The following C8A variants were observed in gnomAD, a reference collection of about 807,000 sequenced individuals.
C8A encodes the protein complement C8 alpha chain, also known as complement component C8 alpha chain.
In C8A, 67 loss-of-function variants were observed where a neutral mutation model predicts 65.3. The ratio of observed to expected loss-of-function variants is 1.03; its 90% CI spans 0.84 to 1.26. The LOEUF (loss-of-function observed/expected upper bound fraction) is 1.26, where lower values mean the gene tolerates loss of function less well. Ranked by LOEUF, C8A falls within the 50% of genes most tolerant of loss-of-function variation. The probability of loss-of-function intolerance (pLI) is 0.00; values close to 1 mark genes in which losing one functional copy is unlikely to be tolerated. For synonymous variants in C8A, 290 were observed against 259.4 expected (o/e 1.12, Z -1.13); for missense variants, 781 against 723.9 (o/e 1.08, Z -0.90).
intron 7 of C8A, among the ~76,000 whole-genome samples, chr1:56,891,986 G>A (rs115131556): frequency 1.3e-3 from 196 of 152,194 alleles, no homozygotes; most frequent in African/African-American, 4.6e-3. Context: ...TCTAGCACAA[G>A]GCTGGGCCCA....
chr1:56,865,628 A>G (rs560506386), intron 1 of C8A, among the ~76,000 whole-genome samples: 61 of 152,176 alleles, frequency 4.0e-4, no homozygotes, highest in Non-Finnish European at 6.9e-4. Flanking sequence ...CTTGATGAAA[A>G]AACTACCAAA....
chr1:56,876,757 C>G (rs1250690925), intron 4 of C8A, among the ~76,000 whole-genome samples: 1 of 152,106 alleles, frequency 6.6e-6, no homozygotes, highest in Non-Finnish European at 1.5e-5. Flanking sequence ...AGCCTTGATT[C>G]TAACTTCTCT....
chr1:56,892,373 G>A (rs1210658298), intron 7 of C8A, among the ~76,000 whole-genome samples: 5 of 152,076 alleles, frequency 3.3e-5, no homozygotes, highest in African/African-American at 1.2e-4. Flanking sequence ...GGGAGGCATG[G>A]TTTCCTCATT....
chr1:56,876,305 G>C, intron 4 of C8A, 96 bp downstream of exon 4: 1 of 1,482,622 alleles, frequency 6.7e-7, no homozygotes, highest in Admixed American at 1.7e-5. Flanking sequence ...ATTTTGGAGG[G>C]TTCCTCTGGA....
At chr1:56,879,386 C>G (rs1644229306) in intron 4 of C8A, among the ~76,000 whole-genome samples, 1 of 152,156 alleles carries the variant, frequency 6.6e-6, no homozygotes, top group Non-Finnish European at 1.5e-5. Context: ...ACACCTTTCC[C>G]TTTTAACTGG....
intron 1 of C8A, 146 bp downstream of exon 1, chr1:56,855,124 G>C: frequency 1.3e-6 from 1 of 746,348 alleles, no homozygotes; most frequent in Non-Finnish European, 2.4e-6. Flanking sequence ...GAGGAGGATG[G>C]GACAGTGAAA....
chr1:56,894,630 C>T (rs538318947), intron 7 of C8A, among the ~76,000 whole-genome samples: 2 of 152,106 alleles, frequency 1.3e-5, no homozygotes, highest in African/African-American at 4.8e-5. Flanking sequence ...AAGTTAAAAC[C>T]TCACCAAAGT....
chr1:56,876,725 C>A (rs1410348205), intron 4 of C8A, among the ~76,000 whole-genome samples: 1 of 152,074 alleles, frequency 6.6e-6, no homozygotes. Flanking sequence ...GGCACAGTTT[C>A]TTTATCTGTT....
At chr1:56,915,252 T>G (rs1644541668) in intron 10 of C8A, among the ~76,000 whole-genome samples, 1 of 152,070 alleles carries the variant, frequency 6.6e-6, no homozygotes, top group Non-Finnish European at 1.5e-5. Flanking sequence ...GTGGGAGGTA[T>G]GCTGAAAGAG....
At chr1:56,897,097 AT>A (rs1210297759) in intron 7 of C8A, among the ~76,000 whole-genome samples, 2 of 152,122 alleles carry the variant, frequency 1.3e-5, no homozygotes, top group African/African-American at 2.4e-5. Context: ...TATTTCATTT[AT>A]TTTCCTTTCT....
chr1:56,883,577 A>G lies in C8A; in HGVS notation c.751A>G (p.Thr251Ala), dbSNP rs771770120. 6.8e-6 allele frequency: 11 copies of G among 1,613,900 alleles called. No individual in the cohort carries two copies. The Admixed American group carries it at 1.0e-4, about 15-fold the overall frequency. The change falls in exon 6 of 11, where the codon ACC (threonine) becomes GCC (alanine). Residue 251 changes from threonine to alanine, a missense_variant. Physicochemically the swap from Thr to Ala is moderately conservative, Grantham distance 58. Coordinates refer to ENST00000361249, the MANE Select transcript of C8A (RefSeq NM_000562.3). The part of the protein sequence containing the change: ...KKDKSDSFGV[T>A]IGIGPAGSPL... ...AGACAAGTCTGACTCATTTGGAGTG[A>G]CCATCGGCATAGGCCCAGCCGGCAG... is the stretch of plus-strand genomic sequence containing the variant.
chr1:56,906,505 T>G (rs892557964), intron 7 of C8A, among the ~76,000 whole-genome samples, 162 bp from the exon 8 acceptor site: 2 of 152,236 alleles, frequency 1.3e-5, no homozygotes, highest in African/African-American at 4.8e-5. Flanking sequence ...GTTGGAACCA[T>G]GCAGAAGAGA....
intron 10 of C8A, among the ~76,000 whole-genome samples, chr1:56,916,923 G>T (rs1303078406): frequency 1.3e-5 from 2 of 152,202 alleles, no homozygotes; most frequent in Non-Finnish European, 2.9e-5. Flanking sequence ...ATCTGAGGGG[G>T]TTTGATTTGC....
At chr1:56,910,898 G>C (rs2101306982) in intron 9 of C8A, among the ~76,000 whole-genome samples, 1 of 152,316 alleles carries the variant, frequency 6.6e-6, no homozygotes, top group South Asian at 2.1e-4. Context: ...TCCTACTGCT[G>C]ACTTGCTCTG....
rs1474113475 is a variant in C8A at position 56,885,296 on chromosome 1, A to ATTTATATATATTTACATAAATATATT, written c.856-629_856-604dup. Among the ~76,000 whole-genome samples, 9 of 131,602 alleles carry ATTTATATATATTTACATAAATATATT rather than the reference A, an allele frequency of 6.8e-5. 1 individual carries two copies. The East Asian group carries it at 1.9e-3, about 28-fold the overall frequency. The allele number at this position is 131,602 out of a possible 152,430, so 86.3% of individuals were successfully genotyped here. A position where few individuals can be genotyped will look rare whatever the true frequency, so the allele number is the denominator to read the frequency against. ...TAAATATATATTTACATAAATATAT[A>ATTTATATATATTTACATAAATATATT]TTTATATATATTTACATAAATATAT... On this transcript the variant is annotated intron_variant, in intron 6 of 10. Coordinates refer to ENST00000361249, the MANE Select transcript of C8A (RefSeq NM_000562.3).
chr1:56,874,989 G>GAACC lies in C8A; in HGVS notation c.214_217dup (p.Ile73AsnfsTer6), dbSNP rs769204924. 4.3e-6 allele frequency: 7 copies of GAACC among 1,613,728 alleles called. No homozygotes were observed. Among genetic ancestry groups the GAACC allele is most frequent in the Non-Finnish European group, 5.9e-6 (7 of 1,179,814 alleles). ...CTCTTGCAGCCAAACAAGTTTGGGG[G>GAACC]AACCATCTGCAGTGGTGACATCTGG... On this transcript the variant is annotated frameshift_variant, in exon 3 of 11. Coordinates refer to ENST00000361249, the MANE Select transcript of C8A (RefSeq NM_000562.3). LOFTEE classifies it high-confidence loss of function.
Position 56,854,867 on chromosome 1 carries a change from T to C in C8A, c.-35T>C, listed in dbSNP as rs1341982379. 1.3e-6 allele frequency: 2 copies of C among 1,588,166 alleles called. No individual in the cohort carries two copies. The highest frequency in any genetic ancestry group is 1.3e-5 in the African/African-American group (1 of 74,456). ...TTTCCTGAATAGATAGCTTTATTCC[T>C]TCAAGGTAATATAGTGCGGTGGCTT... On this transcript the variant is annotated 5_prime_UTR_variant, in exon 1 of 11. Transcript: ENST00000361249.
rs559074224 is a variant in C8A, at chr1:56,903,236, GGTAATTTAA to G, written c.1097-3430_1097-3422del. Among the ~76,000 whole-genome samples the G allele has an allele frequency of 8.9e-3, 1,356 of 152,250 alleles. 51 individuals are homozygous for G. The South Asian group carries it at 0.12, about 13-fold the overall frequency. Reference sequence around the variant, plus strand: ...GTCTCATGGGAGGAATCTGGTGGGAGGTAATTTAATCATGGGGGTGGTTACTCTCATGTT... The same window carrying G: ...GTCTCATGGGAGGAATCTGGTGGGAGTCATGGGGGTGGTTACTCTCATGTT... On this transcript the variant is annotated intron_variant, in intron 7 of 10. Transcript: ENST00000361249.
At chr1:56,893,419 C>A (rs1351553025) in intron 7 of C8A, among the ~76,000 whole-genome samples, 2 of 152,038 alleles carry the variant, frequency 1.3e-5, no homozygotes, top group African/African-American at 4.8e-5. Flanking sequence ...GGGTGGGGCT[C>A]TTGGTTCTAT....
Sources: gnomAD v4.1 joint callset for allele counts (sites outside exome capture counted in the v4.1 genomes callset) on GRCh38, gnomAD v4.1.1 for gene constraint, MANE v1.5 for transcripts, NCBI Gene and HGNC (gene_info 2026-07-23, HGNC 2026-07-21) for gene names.